The following IL1RAPL2 variants were observed in gnomAD, a reference collection of about 807,000 sequenced individuals.
IL1RAPL2 encodes interleukin 1 receptor accessory protein like 2, also known as X-linked interleukin-1 receptor accessory protein-like 2.
A neutral mutation model predicts 44.1 loss-of-function variants in IL1RAPL2; 3 were observed. That is an observed-to-expected ratio of 0.07 (90% CI 0.03 to 0.18). The LOEUF is 0.18. IL1RAPL2 is among the 10% of genes least tolerant of loss of function. IL1RAPL2 has a pLI of 1.00. For missense variants in IL1RAPL2, 391 were observed against 496.4 expected, an observed-to-expected ratio of 0.79 and a Z score of 2.02; for synonymous variants, 181 against 178.8, an observed-to-expected ratio of 1.01 and a Z score of -0.10.
At chrX:105,242,840 C>G (rs1556209923) in intron 4 of IL1RAPL2, among the ~76,000 whole-genome samples, 1 of 111,488 alleles carries the variant, frequency 9.0e-6, no homozygotes, top group Admixed American at 9.6e-5. Flanking sequence ...GTGCTCAAGC[C>G]TATAATCTCA....
At chrX:105,485,129 T>C (rs1477917088) in intron 6 of IL1RAPL2, among the ~76,000 whole-genome samples, 1 of 111,775 alleles carries the variant, frequency 8.9e-6, no homozygotes, top group African/African-American at 3.3e-5. Flanking sequence ...TCTAAATTTC[T>C]TCAATTCTAA....
chrX:105,335,846 T>G (rs1342940939), intron 5 of IL1RAPL2, among the ~76,000 whole-genome samples: 1 of 111,454 alleles, frequency 9.0e-6, no homozygotes, highest in Non-Finnish European at 1.9e-5. Flanking sequence ...CTTGAGTAAA[T>G]TTTACATTGT....
intron 2 of IL1RAPL2, among the ~76,000 whole-genome samples, chrX:104,664,841 C>A (rs1930461885): frequency 2.7e-5 from 3 of 111,312 alleles, no homozygotes; most frequent in Non-Finnish European, 5.7e-5. Context: ...ACAGTGAGAA[C>A]CCTCATTCTC....
chrX:105,256,560 C>T (rs755700694), intron 4 of IL1RAPL2, among the ~76,000 whole-genome samples: 1 of 110,764 alleles, frequency 9.0e-6, no homozygotes, highest in East Asian at 2.9e-4. Flanking sequence ...AACTCCTGAG[C>T]TCAGGCAATC....
chrX:105,490,561 G>A (rs2036309737), intron 6 of IL1RAPL2, among the ~76,000 whole-genome samples: 1 of 111,825 alleles, frequency 8.9e-6, no homozygotes, highest in African/African-American at 3.3e-5. Flanking sequence ...AGAGACCAGT[G>A]TAAAAGACTC....
At chrX:104,861,834 GTTGTA>G (rs1203442043) in intron 2 of IL1RAPL2, among the ~76,000 whole-genome samples, 1 of 111,810 alleles carries the variant, frequency 8.9e-6, no homozygotes, top group Non-Finnish European at 1.9e-5. Flanking sequence ...TTTTAAAATT[GTTGTA>G]TTGTTATTTT....
At chrX:105,135,476 G>C (rs1223931087) in intron 2 of IL1RAPL2, among the ~76,000 whole-genome samples, 1 of 111,881 alleles carries the variant, frequency 8.9e-6, no homozygotes, top group African/African-American at 3.2e-5. Context: ...CTGCATGATA[G>C]GGAAAGCTTC....
chrX:104,629,025 T>C (rs1397031725), intron 1 of IL1RAPL2, among the ~76,000 whole-genome samples: 1 of 111,496 alleles, frequency 9.0e-6, no homozygotes, highest in Non-Finnish European at 1.9e-5. Context: ...CTACAAGATA[T>C]ATGAAAAACA....
intron 6 of IL1RAPL2, among the ~76,000 whole-genome samples, chrX:105,519,022 T>A (rs1317226959): frequency 9.0e-6 from 1 of 111,411 alleles, no homozygotes; most frequent in Non-Finnish European, 1.9e-5. Context: ...CATTTATAGG[T>A]GAGGAAAGTA....
chrX:105,127,486 A>G (rs746673925), intron 2 of IL1RAPL2, among the ~76,000 whole-genome samples: 78 of 111,319 alleles, frequency 7.0e-4, no homozygotes, highest in African/African-American at 2.5e-3. Flanking sequence ...GTTTTGTAGG[A>G]TAACACATTT....
At chrX:105,412,784 A>G (rs2035706599) in intron 5 of IL1RAPL2, among the ~76,000 whole-genome samples, 1 of 111,971 alleles carries the variant, frequency 8.9e-6, no homozygotes, top group Admixed American at 9.5e-5. Context: ...GCATCTAAAC[A>G]TTGATTTGTA....
intron 2 of IL1RAPL2, among the ~76,000 whole-genome samples, chrX:105,165,525 G>A (rs991262374): frequency 1.8e-5 from 2 of 111,851 alleles, no homozygotes; most frequent in Non-Finnish European, 3.8e-5. Flanking sequence ...TCCAGTCTTT[G>A]TTTCACGCTA....
In IL1RAPL2 at chrX:105,381,846, C is replaced by G. The variant is rs1354314696; in HGVS notation, c.698-102467C>G. Among the ~76,000 whole-genome samples the G allele has an allele frequency of 3.6e-5, 4 of 111,571 alleles. No individual in the cohort carries two copies. In the East Asian group the frequency reaches 1.1e-3, roughly 32 times the overall value. On this transcript the variant is annotated intron_variant, in intron 5 of 10. Transcript: ENST00000372582. Reference sequence around the variant, plus strand: ...TACAACCATCTGATCTTTGACAAACCTGACAAAAACAAGAAATGGGGAAAG... The same window carrying G: ...TACAACCATCTGATCTTTGACAAACGTGACAAAAACAAGAAATGGGGAAAG...
At chrX:105,467,045 C>T (rs955675008) in intron 5 of IL1RAPL2, among the ~76,000 whole-genome samples, 1 of 111,301 alleles carries the variant, frequency 9.0e-6, no homozygotes, top group African/African-American at 3.3e-5. Flanking sequence ...ATAACCCAAT[C>T]TTCTCCCAAA....
At chrX:105,402,110 C>G (rs1399325962) in intron 5 of IL1RAPL2, among the ~76,000 whole-genome samples, 10 of 111,242 alleles carry the variant, frequency 9.0e-5, no homozygotes, top group Non-Finnish European at 1.5e-4. Flanking sequence ...GTCAATACAA[C>G]TTTCAAAAAT....
intron 6 of IL1RAPL2, among the ~76,000 whole-genome samples, chrX:105,597,956 G>A (rs1354032965): frequency 9.0e-6 from 1 of 111,099 alleles, no homozygotes; most frequent in Non-Finnish European, 1.9e-5. Context: ...CCTCTTCTGG[G>A]TATACACCTG....
intron 1 of IL1RAPL2, among the ~76,000 whole-genome samples, chrX:104,617,116 G>T (rs1011911425): frequency 2.7e-5 from 3 of 111,823 alleles, no homozygotes; most frequent in African/African-American, 9.8e-5. Flanking sequence ...TCCATCTTGA[G>T]TTAACTTGAA....
intron 1 of IL1RAPL2, among the ~76,000 whole-genome samples, chrX:104,589,354 C>G (rs1380283758): frequency 1.8e-5 from 2 of 111,957 alleles, no homozygotes; most frequent in Admixed American, 1.9e-4. Context: ...AGATGTAGGC[C>G]GGGAGGCTAA....
intron 5 of IL1RAPL2, among the ~76,000 whole-genome samples, chrX:105,472,006 G>A (rs990432998): frequency 1.8e-5 from 2 of 110,141 alleles, no homozygotes; most frequent in African/African-American, 6.6e-5. Flanking sequence ...TGAATGTTCT[G>A]CAGAGGAAGT....
Sources: gnomAD v4.1 joint callset for allele counts (sites outside exome capture counted in the v4.1 genomes callset) on GRCh38, gnomAD v4.1.1 for gene constraint, MANE v1.5 for transcripts, NCBI Gene and HGNC (gene_info 2026-07-23, HGNC 2026-07-21) for gene names.